Variants in ADAMTSL3 observed in about 807,000 individuals in gnomAD.
ADAMTSL3 encodes ADAMTS-like protein 3.
ADAMTSL3 carries 128 observed loss-of-function variants against 201.7 expected under a neutral mutation model. The ratio of observed to expected loss-of-function variants is 0.63; its 90% CI spans 0.55 to 0.73. The LOEUF (loss-of-function observed/expected upper bound fraction) is 0.73. ADAMTSL3 is among the 30% of genes least tolerant of loss of function. The pLI, the probability that ADAMTSL3 is intolerant of heterozygous loss-of-function variation, is 0.00. For synonymous variants in ADAMTSL3, 738 were observed against 748.4 expected, an observed-to-expected ratio of 0.99 and a Z score of 0.23; for missense variants, 1,990 against 2,119.6, an observed-to-expected ratio of 0.94 and a Z score of 1.20.
chr15:83,974,200 C>G (rs1596485025), intron 20 of ADAMTSL3, among the ~76,000 whole-genome samples: 1 of 152,298 alleles, frequency 6.6e-6, no homozygotes, highest in South Asian at 2.1e-4. Flanking sequence ...CACTTAATGT[C>G]TGAAGGATAA....
chr15:83,800,370 C>T (rs1006716503), intron 4 of ADAMTSL3, among the ~76,000 whole-genome samples: 2 of 152,046 alleles, frequency 1.3e-5, no homozygotes, highest in Non-Finnish European at 2.9e-5. Flanking sequence ...TTTTCAGGCT[C>T]AACACTCAAG....
chr15:83,656,342 T>A (rs552617458), intron 2 of ADAMTSL3, among the ~76,000 whole-genome samples: 2 of 152,302 alleles, frequency 1.3e-5, no homozygotes, highest in Non-Finnish European at 2.9e-5. Flanking sequence ...TTTATTTGCC[T>A]AAAGGACAGA....
intron 2 of ADAMTSL3, among the ~76,000 whole-genome samples, chr15:83,670,753 A>G (rs1456621422): frequency 6.6e-6 from 1 of 152,202 alleles, no homozygotes; most frequent in Admixed American, 6.5e-5. Flanking sequence ...TGAGGTTGGT[A>G]TCTGGTAACT....
chr15:84,019,941 A>G (rs1240837022), intron 25 of ADAMTSL3, among the ~76,000 whole-genome samples: 3 of 151,656 alleles, frequency 2.0e-5, no homozygotes, highest in Admixed American at 2.0e-4. Context: ...TACATATTAT[A>G]TGAAGTACAA....
chr15:84,004,234 A>C (rs1034805582), intron 23 of ADAMTSL3, among the ~76,000 whole-genome samples: 1 of 152,148 alleles, frequency 6.6e-6, no homozygotes. Context: ...GGTTAATGTC[A>C]GTTCAGGCCT....
At chr15:83,926,073 T>C (rs553585613) in intron 17 of ADAMTSL3, among the ~76,000 whole-genome samples, 1 of 152,318 alleles carries the variant, frequency 6.6e-6, no homozygotes, top group Non-Finnish European at 1.5e-5. Context: ...AGAGCACGAA[T>C]ACTATGAGGA....
At position 83,699,592 on chromosome 15, in the gene ADAMTSL3, A is replaced by G. The variant is rs532982229; in HGVS notation, c.70-4797A>G. On this transcript the variant is annotated intron_variant, in intron 2 of 29. Coordinates refer to ENST00000286744, the MANE Select transcript of ADAMTSL3 (RefSeq NM_207517.3). Reference sequence around the variant, plus strand: ...TCCACAAAGCAGTCAGTGTTGTTTAAATACTCTTCTATTGTTCTCCGTCTC... The same window carrying G: ...TCCACAAAGCAGTCAGTGTTGTTTAGATACTCTTCTATTGTTCTCCGTCTC... Among the ~76,000 whole-genome samples, 120 of 152,118 alleles carry G rather than the reference A, an allele frequency of 7.9e-4. 1 individual carries two copies. The highest frequency in any genetic ancestry group is 3.1e-3 in the Admixed American group (47 of 15,278).
chr15:83,723,253 T>TC (rs1395396313), intron 3 of ADAMTSL3, among the ~76,000 whole-genome samples: 7 of 151,968 alleles, frequency 4.6e-5, no homozygotes, highest in African/African-American at 1.7e-4. Flanking sequence ...TAAAAAGCAC[T>TC]CCCCCACCTC....
At chr15:83,918,679 G>C (rs1265703771) in intron 16 of ADAMTSL3, among the ~76,000 whole-genome samples, 1 of 152,184 alleles carries the variant, frequency 6.6e-6, no homozygotes, top group African/African-American at 2.4e-5. Flanking sequence ...GGAAGGCAGA[G>C]GCCAGACAAT....
At chr15:83,917,025 C>G (rs764717916) in intron 16 of ADAMTSL3, among the ~76,000 whole-genome samples, 18 of 152,144 alleles carry the variant, frequency 1.2e-4, no homozygotes, top group Non-Finnish European at 2.5e-4. Context: ...TCCATAAGTC[C>G]ACTAATGTGT....
At chr15:83,782,646 A>G (rs2063190605) in intron 4 of ADAMTSL3, among the ~76,000 whole-genome samples, 1 of 152,164 alleles carries the variant, frequency 6.6e-6, no homozygotes, top group Non-Finnish European at 1.5e-5. Flanking sequence ...ACCACATGTC[A>G]TCACTTAAAA....
In ADAMTSL3 at chr15:83,903,394, C is replaced by A. The variant is rs561245087; in HGVS notation, c.1700+3663C>A. Among the ~76,000 whole-genome samples, 286 of 152,198 alleles carry A rather than the reference C, an allele frequency of 1.9e-3. 1 individual carries two copies. The highest frequency in any genetic ancestry group is 6.7e-3 in the African/African-American group (278 of 41,520). On this transcript the variant is annotated intron_variant, in intron 15 of 29. Transcript: ENST00000286744. ...TCTCTCAAATTTTCTCATCACCCCC[C>A]AACATAAGCTCTGTTCACCTTCAGC... is the stretch of plus-strand genomic sequence containing the variant.
intron 9 of ADAMTSL3, among the ~76,000 whole-genome samples, chr15:83,877,898 A>G (rs1056668094): frequency 6.6e-6 from 1 of 151,896 alleles, no homozygotes; most frequent in Non-Finnish European, 1.5e-5. Context: ...GGAAATATTG[A>G]TTTTTGTGTA....
Position 83,870,965 on chromosome 15 carries a change from A to C in ADAMTSL3, c.960+6A>C, listed in dbSNP as rs2065068617. 6.2e-7 allele frequency: 1 copy of C among 1,610,250 alleles called. No homozygotes were observed. Among genetic ancestry groups the C allele is most frequent in the Non-Finnish European group, 8.5e-7 (1 of 1,179,118 alleles). ...TGGCTGATTTCATCTTCAAGGTAGG[A>C]TGATCCTCTTCATAAACTTCATGTA... On this transcript the variant is annotated splice_donor_region_variant and intron_variant, in intron 9 of 29. Coordinates refer to ENST00000286744, the MANE Select transcript of ADAMTSL3 (RefSeq NM_207517.3).
chr15:83,910,323 C>T (rs2065908239), intron 15 of ADAMTSL3, among the ~76,000 whole-genome samples: 2 of 148,474 alleles, frequency 1.3e-5, no homozygotes, highest in Admixed American at 6.7e-5. Context: ...TCCTTTCTTT[C>T]TTTAAAAAAA....
intron 10 of ADAMTSL3, among the ~76,000 whole-genome samples, chr15:83,888,209 G>A (rs528269813): frequency 1.1e-4 from 16 of 152,306 alleles, no homozygotes; most frequent in Admixed American, 5.9e-4. Context: ...GGTTCCTGCC[G>A]TTTTCTATAC....
chr15:83,974,242 G>A (rs1366877062), intron 20 of ADAMTSL3, among the ~76,000 whole-genome samples: 1 of 152,166 alleles, frequency 6.6e-6, no homozygotes, highest in Non-Finnish European at 1.5e-5. Context: ...ACTCACCTGA[G>A]TTCAAATCCT....
At chr15:83,710,788 G>T (rs916780388) in intron 3 of ADAMTSL3, among the ~76,000 whole-genome samples, 1 of 152,132 alleles carries the variant, frequency 6.6e-6, no homozygotes, top group African/African-American at 2.4e-5. Context: ...GTAGCATCTG[G>T]AATTGTATTA....
At chr15:83,987,037 C>T (rs1030908240) in intron 21 of ADAMTSL3, among the ~76,000 whole-genome samples, 5 of 152,106 alleles carry the variant, frequency 3.3e-5, no homozygotes, top group African/African-American at 7.2e-5. Context: ...TACCTGAAAC[C>T]TACAAAACAA....
Sources: gnomAD v4.1 joint callset for allele counts (sites outside exome capture counted in the v4.1 genomes callset) on GRCh38, gnomAD v4.1.1 for gene constraint, MANE v1.5 for transcripts, NCBI Gene and HGNC (gene_info 2026-07-23, HGNC 2026-07-21) for gene names.